The following TMEM64 variants were observed in gnomAD, a reference collection of about 807,000 sequenced individuals.
TMEM64 encodes transmembrane protein 64.
A neutral mutation model predicts 24.5 loss-of-function variants in TMEM64; 19 were observed. That is an observed-to-expected ratio of 0.78 (90% CI 0.54 to 1.14). TMEM64 has a LOEUF of 1.14. Ranked by LOEUF, TMEM64 falls within the 50% of genes most tolerant of loss-of-function variation. The pLI, the probability that TMEM64 is intolerant of heterozygous loss-of-function variation, is 0.00. For missense variants in TMEM64, 487 were observed against 493.0 expected (o/e 0.99, Z 0.12); for synonymous variants, 262 against 224.7 (o/e 1.17, Z -1.49).
chr8:90,636,185 T>G (rs890142356), intron 1 of TMEM64, among the ~76,000 whole-genome samples: 1 of 152,242 alleles, frequency 6.6e-6, no homozygotes, highest in Non-Finnish European at 1.5e-5. Flanking sequence ...GTAACATACA[T>G]ATACACAGGT....
chr8:90,645,577 C>T lies in TMEM64; in HGVS notation c.329G>A (p.Arg110His). ...ACAGGTGCTGCCGAGGCAGCAGCAGCGCCAGTTTCTCACCTCAGCCACGCC... is the reference window on the plus strand; with the variant it reads ...ACAGGTGCTGCCGAGGCAGCAGCAGTGCCAGTTTCTCACCTCAGCCACGCC... ...VVGVAEVRNWRCCCLGSTCWC... is the reference protein window; with the variant it reads ...VVGVAEVRNWHCCCLGSTCWC... Residue 110 changes from arginine (R) to histidine (H), a missense_variant, in exon 1 of 3, where the codon CGC becomes CAC. Arg to His is a conservative substitution (Grantham distance 29). Coordinates refer to ENST00000458549, the MANE Select transcript of TMEM64 (RefSeq NM_001008495.4). The surrounding 1 kb of genome is among the most constrained non-coding windows in gnomAD (Gnocchi z 4.2). 6.5e-7 allele frequency: 1 copy of T among 1,543,160 alleles called. No homozygotes were observed. Among genetic ancestry groups the T allele is most frequent in the Non-Finnish European group, 8.7e-7 (1 of 1,146,474 alleles).
In TMEM64 at chr8:90,631,571, T is replaced by C; in HGVS notation, c.932A>G (p.Tyr311Cys). Reference sequence around the variant, plus strand: ...ACTCACCTGTAAACAAAAAACAAAATATCCACTAACACTCTGTTCTGCAAT... The same window carrying C: ...ACTCACCTGTAAACAAAAAACAAAACATCCACTAACACTCTGTTCTGCAAT... ...DVIAEQSVSG[Y>C]FVFCLQIIIS... Residue 311 changes from tyrosine (Y) to cysteine (C), a missense_variant, in exon 2 of 3, where the codon TAT becomes TGT. By Grantham distance (194) the Tyr-to-Cys change is radical. Coordinates refer to ENST00000458549, the MANE Select transcript of TMEM64 (RefSeq NM_001008495.4). 6.3e-7 allele frequency: 1 copy of C among 1,595,586 alleles called. No homozygotes were observed. The highest frequency in any genetic ancestry group is 8.6e-7 in the Non-Finnish European group (1 of 1,166,976).
At chr8:90,642,081 A>G (rs1317110476) in intron 1 of TMEM64, among the ~76,000 whole-genome samples, 1 of 152,200 alleles carries the variant, frequency 6.6e-6, no homozygotes, top group Non-Finnish European at 1.5e-5. Context: ...TCCTTCTTCC[A>G]TATATTATCC....
intron 1 of TMEM64, 112 bp from the exon 2 acceptor site, chr8:90,631,819 C>T (rs1809444488): frequency 3.7e-6 from 3 of 803,902 alleles, no homozygotes; most frequent in Admixed American, 2.5e-5. Context: ...AAGGAGCTGA[C>T]ATCTTTACAA....
chr8:90,643,974 G>C (rs1051946669), intron 1 of TMEM64, among the ~76,000 whole-genome samples: 1 of 152,170 alleles, frequency 6.6e-6, no homozygotes, highest in African/African-American at 2.4e-5. Flanking sequence ...GAGGCAGATT[G>C]GTTAGTATTA....
intron 2 of TMEM64, among the ~76,000 whole-genome samples, chr8:90,629,367 A>G (rs904533772): frequency 1.3e-5 from 2 of 152,192 alleles, no homozygotes; most frequent in African/African-American, 4.8e-5. Context: ...ATAGTTGAGT[A>G]ATTTACTAAG....
rs566815355 is a variant in TMEM64 at position 90,640,464 on chromosome 8, T to G, written c.795+4647A>C. ...CACTGTTGCTCAGAACATTTGTCTT[T>G]TTAAAAGCAAACTCTGACCTCATCT... On this transcript the variant is annotated intron_variant, in intron 1 of 2. Coordinates refer to ENST00000458549, the MANE Select transcript of TMEM64 (RefSeq NM_001008495.4). 2.6e-5 allele frequency among the ~76,000 whole-genome samples: 4 copies of G among 152,290 alleles called. No individual in the cohort carries two copies. In the South Asian group the frequency reaches 6.2e-4, roughly 24 times the overall value.
chr8:90,629,946 A>G (rs1809413298), intron 2 of TMEM64, among the ~76,000 whole-genome samples: 1 of 152,166 alleles, frequency 6.6e-6, no homozygotes, highest in Non-Finnish European at 1.5e-5. Flanking sequence ...TAGTATTTTA[A>G]ATAAGATAGG....
chr8:90,631,460 CTGA>C (rs1054130322), intron 2 of TMEM64, 89 bp downstream of exon 2: 1 of 1,117,748 alleles, frequency 8.9e-7, no homozygotes, highest in African/African-American at 1.5e-5. Flanking sequence ...GAAAAACCCT[CTGA>C]TTATTTTCAA....
intron 1 of TMEM64, among the ~76,000 whole-genome samples, chr8:90,644,756 T>A (rs1261321463): frequency 1.3e-5 from 2 of 152,204 alleles, no homozygotes; most frequent in African/African-American, 4.8e-5. Flanking sequence ...GAGAGAAAGC[T>A]TTCCTCCCTA....
intron 1 of TMEM64, among the ~76,000 whole-genome samples, chr8:90,643,388 A>G (rs1046215787): frequency 2.0e-5 from 3 of 152,198 alleles, no homozygotes; most frequent in African/African-American, 7.2e-5. Flanking sequence ...TCATTTTACA[A>G]ATAAGAAACT....
At chr8:90,636,533 C>T (rs771561128) in intron 1 of TMEM64, among the ~76,000 whole-genome samples, 2 of 152,172 alleles carry the variant, frequency 1.3e-5, no homozygotes, top group South Asian at 2.1e-4. Context: ...GGATTACACG[C>T]GTGAGCCACT....
At chr8:90,644,135 T>A (rs1302641897) in intron 1 of TMEM64, among the ~76,000 whole-genome samples, 1 of 152,222 alleles carries the variant, frequency 6.6e-6, no homozygotes, top group African/African-American at 2.4e-5. Flanking sequence ...TTTCTTTAAG[T>A]CTAGCTGAAG....
chr8:90,629,616 G>C (rs574748822), intron 2 of TMEM64, among the ~76,000 whole-genome samples: 6 of 151,992 alleles, frequency 3.9e-5, no homozygotes, highest in Non-Finnish European at 7.4e-5. Context: ...TATATACTGT[G>C]CTATAGATAT....
chr8:90,632,388 T>G (rs911337925), intron 1 of TMEM64, among the ~76,000 whole-genome samples: 1 of 152,142 alleles, frequency 6.6e-6, no homozygotes, highest in East Asian at 1.9e-4. Flanking sequence ...AGTGGCCCCA[T>G]CTCAGCTCAC....
At chr8:90,632,643 C>T (rs1809457139) in intron 1 of TMEM64, among the ~76,000 whole-genome samples, 1 of 152,104 alleles carries the variant, frequency 6.6e-6, no homozygotes, top group African/African-American at 2.4e-5. Context: ...TATTTTAGTA[C>T]AGACAGAGTT....
At chr8:90,632,306 C>T (rs1431188020) in intron 1 of TMEM64, among the ~76,000 whole-genome samples, 3 of 151,792 alleles carry the variant, frequency 2.0e-5, no homozygotes, top group Admixed American at 1.3e-4. Context: ...GCCGCCACAC[C>T]GCTACTTTTT....
At position 90,625,664 on chromosome 8, in the gene TMEM64, A is replaced by G. The variant is rs1385377553; in HGVS notation, c.*7T>C. On this transcript the variant is annotated 3_prime_UTR_variant, in exon 3 of 3. Coordinates refer to ENST00000458549, the MANE Select transcript of TMEM64 (RefSeq NM_001008495.4). ...TAGGCTCTTGACAATCACGTATCTC[A>G]TTAGAATCATACAACATTGATTCCA... 2 of 1,611,912 alleles carry G rather than the reference A, an allele frequency of 1.2e-6. No individual in the cohort carries two copies. The highest frequency in any genetic ancestry group is 1.7e-6 in the Non-Finnish European group (2 of 1,178,584).
chr8:90,644,193 C>T (rs4500048), intron 1 of TMEM64, among the ~76,000 whole-genome samples: 26,104 of 152,120 alleles, frequency 0.17, 4,767 homozygotes, highest in African/African-American at 0.46. Context: ...TTTAGAATCA[C>T]TGAATTTGGG....
Sources: allele counts gnomAD v4.1 joint callset (sites outside exome capture counted in the v4.1 genomes callset), GRCh38; gene constraint gnomAD v4.1.1; non-coding constraint Gnocchi (gnomAD v3.1); transcripts MANE v1.5; gene names NCBI Gene and HGNC (gene_info 2026-07-23, HGNC 2026-07-21).